Variants in LRRFIP1 observed in about 807,000 individuals in gnomAD.
LRRFIP1 encodes the protein leucine-rich repeat flightless-interacting protein 1.
LRRFIP1 carries 62 observed loss-of-function variants against 104.4 expected under a neutral mutation model. The ratio of observed to expected loss-of-function variants is 0.59; its 90% CI spans 0.48 to 0.73. The LOEUF (loss-of-function observed/expected upper bound fraction) is 0.73, where lower values mean the gene tolerates loss of function less well. Among genes scored for constraint, LRRFIP1 ranks in the 30% least tolerant of loss-of-function variants. The pLI is 0.00. For missense variants in LRRFIP1, 796 were observed against 824.5 expected (o/e 0.97, Z 0.42); for synonymous variants, 300 against 299.0 (o/e 1.00, Z -0.03).
intron 5 of LRRFIP1, 117 bp downstream of exon 5, chr2:237,719,684 G>T (rs1389027333): frequency 6.5e-6 from 4 of 614,386 alleles, no homozygotes; most frequent in Non-Finnish European, 1.1e-5. Context: ...ATCTCTTAAA[G>T]AAATTAACTA....
chr2:237,634,708 A>G (rs947015752), intron 1 of LRRFIP1, among the ~76,000 whole-genome samples: 19 of 152,232 alleles, frequency 1.2e-4, no homozygotes, highest in Admixed American at 4.6e-4. Flanking sequence ...GCAGTGTACT[A>G]TAATCTTTCT....
At chr2:237,663,657 A>G (rs1575255177) in intron 1 of LRRFIP1, among the ~76,000 whole-genome samples, 1 of 152,320 alleles carries the variant, frequency 6.6e-6, no homozygotes, top group African/African-American at 2.4e-5. Context: ...AGGCACATGG[A>G]ATGACTTCCG....
intron 19 of LRRFIP1, among the ~76,000 whole-genome samples, chr2:237,760,777 C>T (rs547902223): frequency 5.9e-5 from 9 of 152,240 alleles, no homozygotes; most frequent in African/African-American, 4.8e-5. Context: ...GTGGGTGTGG[C>T]GGTGCTGAGA....
chr2:237,707,069 G>A (rs2093847647), intron 1 of LRRFIP1, among the ~76,000 whole-genome samples: 1 of 152,172 alleles, frequency 6.6e-6, no homozygotes, highest in African/African-American at 2.4e-5. Context: ...AAGGAGCCAA[G>A]CGAATAGAAC....
intron 1 of LRRFIP1, among the ~76,000 whole-genome samples, chr2:237,689,857 A>C (rs2092646492): frequency 6.6e-6 from 1 of 152,220 alleles, no homozygotes; most frequent in Non-Finnish European, 1.5e-5. Context: ...GCAGGCTAGC[A>C]GGGCAGCTCA....
intron 18 of LRRFIP1, 57 bp from the exon 19 acceptor site, chr2:237,760,007 A>C: frequency 1.3e-6 from 2 of 1,515,632 alleles, no homozygotes; most frequent in Non-Finnish European, 1.8e-6. Context: ...GTATTAAAAC[A>C]GAGTTTAACC....
chr2:237,679,085 G>T (rs538320480), intron 1 of LRRFIP1, among the ~76,000 whole-genome samples: 52 of 152,182 alleles, frequency 3.4e-4, no homozygotes, highest in Non-Finnish European at 6.2e-4. Context: ...TTGTACTCCA[G>T]CATCAACAAT....
chr2:237,636,783 G>T (rs890071761), intron 1 of LRRFIP1, among the ~76,000 whole-genome samples: 1 of 152,240 alleles, frequency 6.6e-6, no homozygotes, highest in Non-Finnish European at 1.5e-5. Flanking sequence ...CAGGGCGGCT[G>T]AAGTGTTGGT....
intron 1 of LRRFIP1, among the ~76,000 whole-genome samples, chr2:237,636,754 G>A (rs1379213416): frequency 6.6e-6 from 1 of 152,238 alleles, no homozygotes; most frequent in African/African-American, 2.4e-5. Context: ...ATGTCACAAA[G>A]TGTGAACAGG....
At chr2:237,680,613 A>G (rs2091701988) in intron 1 of LRRFIP1, among the ~76,000 whole-genome samples, 1 of 152,232 alleles carries the variant, frequency 6.6e-6, no homozygotes, top group Non-Finnish European at 1.5e-5. Context: ...ATGCCCCTTG[A>G]ATACCGAGGG....
intron 23 of LRRFIP1, among the ~76,000 whole-genome samples, chr2:237,778,789 C>T (rs1456806596): frequency 6.6e-6 from 1 of 151,994 alleles, no homozygotes; most frequent in East Asian, 1.9e-4. Flanking sequence ...TGGTGGTGTG[C>T]ACCTGTAGTC....
intron 9 of LRRFIP1, 124 bp downstream of exon 9, chr2:237,733,942 G>T: frequency 2.0e-6 from 2 of 1,002,208 alleles, no homozygotes; most frequent in Non-Finnish European, 3.1e-6. Context: ...ACCTTCACGT[G>T]GAGCTTACAT....
chr2:237,738,379 C>T (rs979314748), intron 10 of LRRFIP1, among the ~76,000 whole-genome samples: 2 of 152,154 alleles, frequency 1.3e-5, no homozygotes, highest in Non-Finnish European at 2.9e-5. Flanking sequence ...GTTCTGTGCC[C>T]AGCACAGTGC....
intron 1 of LRRFIP1, among the ~76,000 whole-genome samples, chr2:237,654,077 G>A (rs533806498): frequency 1.2e-4 from 19 of 152,100 alleles, no homozygotes; most frequent in Non-Finnish European, 2.1e-4. Flanking sequence ...ACTAACCTAC[G>A]GAATGGGAGA....
intron 1 of LRRFIP1, among the ~76,000 whole-genome samples, chr2:237,651,699 T>C (rs1242626472): frequency 6.6e-6 from 1 of 152,218 alleles, no homozygotes; most frequent in Non-Finnish European, 1.5e-5. Context: ...GAGCCACATA[T>C]GTAATTTAAA....
intron 2 of LRRFIP1, 163 bp downstream of exon 2, chr2:237,708,793 AGTGCGCATAGCACGGATACCAGGC>A (rs2093940525): frequency 1.3e-6 from 1 of 799,242 alleles, no homozygotes; most frequent in Non-Finnish European, 2.2e-6. Context: ...TCAGGCCAGG[AGTGCGCATAGCACGGATACCAGGC>A]GTGCCTGCTC....
rs567764117 is a variant in LRRFIP1 at position 237,778,102 on chromosome 2, C to T, written c.1813-1320C>T. On this transcript the variant is annotated intron_variant, in intron 23 of 23. Coordinates refer to ENST00000308482, the MANE Select transcript of LRRFIP1 (RefSeq NM_001137550.2). ...ATGCTCAGTCTTTGGGGGTCTAATT[C>T]TGTCATTTATTGCTTCTGTTGACTC... 1.7e-4 allele frequency among the ~76,000 whole-genome samples: 26 copies of T among 152,296 alleles called. 1 individual carries two copies. Among genetic ancestry groups the T allele is most frequent in the African/African-American group, 6.0e-4 (25 of 41,568 alleles).
Position 237,776,679 on chromosome 2 carries a change from T to G in LRRFIP1, c.1812+2217T>G, listed in dbSNP as rs59516777. Among the ~76,000 whole-genome samples the G allele has an allele frequency of 3.2e-3, 481 of 152,336 alleles. 4 individuals are homozygous for G. The highest frequency in any genetic ancestry group is 9.7e-3 in the African/African-American group (404 of 41,572). On this transcript the variant is annotated intron_variant, in intron 23 of 23. Coordinates refer to ENST00000308482, the MANE Select transcript of LRRFIP1 (RefSeq NM_001137550.2). Reference sequence around the variant, plus strand: ...TAGTGACCCTTTTGGTCCCTGCTGCTGTTGACCTTGTCGGGTATTCACGTG... The same window carrying G: ...TAGTGACCCTTTTGGTCCCTGCTGCGGTTGACCTTGTCGGGTATTCACGTG...
At chr2:237,641,650 G>A (rs1054757441) in intron 1 of LRRFIP1, among the ~76,000 whole-genome samples, 3 of 152,006 alleles carry the variant, frequency 2.0e-5, no homozygotes, top group Non-Finnish European at 4.4e-5. Context: ...GAACATGATA[G>A]TTAATAAATT....
Sources: gnomAD v4.1 joint callset for allele counts (sites outside exome capture counted in the v4.1 genomes callset) on GRCh38, gnomAD v4.1.1 for gene constraint, MANE v1.5 for transcripts, NCBI Gene and HGNC (gene_info 2026-07-23, HGNC 2026-07-21) for gene names.